CARHSP1: variants seen among roughly 807,000 people sequenced by gnomAD.
CARHSP1 encodes the protein calcium regulated heat stable protein 1, also known as calcium-regulated heat-stable protein 1.
CARHSP1 carries 14 observed loss-of-function variants against 12.5 expected under a neutral mutation model. The observed-to-expected ratio is 1.12, with a 90% CI of 0.74 to 1.75. CARHSP1 has a LOEUF of 1.75. Among genes scored for constraint, CARHSP1 ranks in the 40% most tolerant of loss-of-function variants. The pLI, the probability that CARHSP1 is intolerant of heterozygous loss-of-function variation, is 0.00. For synonymous variants in CARHSP1, 161 were observed against 82.0 expected, an observed-to-expected ratio of 1.96 and a Z score of -5.20; for missense variants, 343 against 201.6, an observed-to-expected ratio of 1.70 and a Z score of -4.25.
rs571581226 is a variant in CARHSP1 at position 8,860,044 on chromosome 16, C to G, written c.-7-709G>C. On this transcript the variant is annotated intron_variant, in intron 1 of 3. Transcript: ENST00000311052. ...CCTAGATCCAAACTCAGCCACTCCA[C>G]GGACCCTCCCTGACGCTGCTGGGAG... The G allele has an allele frequency of 8.7e-6, 6 of 685,956 alleles. No homozygotes were observed. In the South Asian group the frequency reaches 3.3e-4, roughly 37 times the overall value. 42.5% of individuals were successfully genotyped at this position (685,956 alleles called of 1,614,324 possible). A position where few individuals can be genotyped will look rare whatever the true frequency, so the allele number is the denominator to read the frequency against.
Position 8,854,346 on chromosome 16 carries a change from C to T in CARHSP1, c.*818G>A, listed in dbSNP as rs1256560483. ...ACAAAGACTGTGTCCTCTCCACAAG[C>T]CCTTCCCACCACCACCACCCCAGCC... On this transcript the variant is annotated 3_prime_UTR_variant, in exon 4 of 4. Transcript: ENST00000311052. 6.6e-6 allele frequency: 1 copy of T among 152,146 alleles called. No homozygotes were observed. The highest frequency in any genetic ancestry group is 1.5e-5 in the Non-Finnish European group (1 of 68,036). The allele number at this position is 152,146 out of a possible 1,614,324, so 9.4% of individuals were successfully genotyped here.
chr16:8,857,614 A>AGTTT, intron 3 of CARHSP1: 3 of 119,266 alleles, frequency 2.5e-5, no homozygotes, highest in Middle Eastern at 7.9e-3. Flanking sequence ...TTTGAAATGG[A>AGTTT]CTTTCACCCT....
Position 8,861,989 on chromosome 16 carries a change from C to CTTTTTTTTTTTTTTTTTTTTTTTT in CARHSP1, c.-7-2678_-7-2655dup, listed in dbSNP as rs537614451. The stretch of plus-strand genomic sequence containing the variant: ...TTCTCCTGGAGTCAAGCATAGCTGA[C>CTTTTTTTTTTTTTTTTTTTTTTTT]TTTTTTTTTTTTTTTTTTTTTTTTT... On this transcript the variant is annotated intron_variant, in intron 1 of 3. Transcript: ENST00000311052. 1.0e-4 allele frequency among the ~76,000 whole-genome samples: 8 copies of CTTTTTTTTTTTTTTTTTTTTTTTT among 79,806 alleles called. 2 individuals carry two copies. The highest frequency in any genetic ancestry group is 2.8e-4 in the Admixed American group (2 of 7,042). The allele number at this position is 79,806 out of a possible 152,430, so 52.4% of individuals were successfully genotyped here.
At chr16:8,864,022 C>G (rs559857448) in intron 1 of CARHSP1, among the ~76,000 whole-genome samples, 123 of 152,290 alleles carry the variant, frequency 8.1e-4, no homozygotes, top group Non-Finnish European at 1.5e-3. Context: ...GGGAGGAAGG[C>G]TGCAAACAGA....
intron 1 of CARHSP1, chr16:8,861,726 C>T (rs1404079603): frequency 3.1e-6 from 4 of 1,287,638 alleles, no homozygotes; most frequent in Non-Finnish European, 3.0e-6. Context: ...TCCGGGGAGC[C>T]CCCACCTCAA....
intron 1 of CARHSP1, chr16:8,860,470 G>A: frequency 1.0e-6 from 1 of 985,402 alleles, no homozygotes; most frequent in South Asian, 4.7e-5. Flanking sequence ...GAAGGTGTCG[G>A]CTCTAACGTG....
chr16:8,861,371 G>A (rs931016582), intron 1 of CARHSP1, among the ~76,000 whole-genome samples: 3 of 151,406 alleles, frequency 2.0e-5, no homozygotes. Context: ...GTTTCCAGCT[G>A]CTCATGGAAA....
Position 8,855,219 on chromosome 16 carries a change from T to A in CARHSP1, c.389A>T (p.His130Leu). Residue 130 changes from histidine to leucine, a missense_variant, in exon 4 of 4, where the codon CAC becomes CTC. By Grantham distance (99) the His-to-Leu change is moderately conservative. Coordinates refer to ENST00000311052, the MANE Select transcript of CARHSP1 (RefSeq NM_014316.4). ...CTCATGCTTGGTGCCTGGTGCCAGG[T>A]GAGTGATGACGACCTCCACGGCCTG... is the stretch of plus-strand genomic sequence containing the variant. Reference protein sequence around the residue: ...KLQAVEVVITHLAPGTKHETW... With the variant: ...KLQAVEVVITLLAPGTKHETW... 6.2e-7 allele frequency: 1 copy of A among 1,612,982 alleles called. No individual in the cohort carries two copies. Among genetic ancestry groups the A allele is most frequent in the Admixed American group, 1.7e-5 (1 of 59,926 alleles).
chr16:8,864,325 C>G (rs1045594217), intron 1 of CARHSP1, among the ~76,000 whole-genome samples: 3 of 142,162 alleles, frequency 2.1e-5, no homozygotes, highest in African/African-American at 7.5e-5. Context: ...GCACAGCACG[C>G]TGGGCACCTG....
intron 1 of CARHSP1, among the ~76,000 whole-genome samples, chr16:8,866,014 C>G (rs1331472022): frequency 6.6e-6 from 1 of 152,100 alleles, no homozygotes; most frequent in Non-Finnish European, 1.5e-5. Context: ...AGTTTGGTGG[C>G]ACAATCATGG....
intron 3 of CARHSP1, among the ~76,000 whole-genome samples, chr16:8,857,267 T>TTTGTTTTTG (rs1285555523): frequency 5.8e-4 from 10 of 17,238 alleles, no homozygotes; most frequent in Admixed American, 2.3e-3. Context: ...AGATCTGTTT[T>TTTGTTTTTG]TTTTTTTTTT....
In CARHSP1 at chr16:8,854,913, T is replaced by C; in HGVS notation, c.*251A>G. 1 of 338,560 alleles carries C rather than the reference T, an allele frequency of 3.0e-6. No individual in the cohort carries two copies. The highest frequency in any genetic ancestry group is 5.3e-6 in the Non-Finnish European group (1 of 187,888). The allele number at this position is 338,560 out of a possible 1,614,324, so 21.0% of individuals were successfully genotyped here. A position where few individuals can be genotyped will look rare whatever the true frequency, so the allele number is the denominator to read the frequency against. On this transcript the variant is annotated 3_prime_UTR_variant, in exon 4 of 4. Transcript: ENST00000311052. ...CCACTCAGCCACCAGTGGGCACCTC[T>C]CCTTTTTAAATGCTTTTAATGCTCT...
At chr16:8,860,047 A>C (rs999336791) in intron 1 of CARHSP1, 62 of 698,042 alleles carry the variant, frequency 8.9e-5, no homozygotes, top group Non-Finnish European at 1.1e-4. Flanking sequence ...CACTCCACGG[A>C]CCCTCCCTGA....
intron 1 of CARHSP1, among the ~76,000 whole-genome samples, chr16:8,865,847 G>A (rs1430411939): frequency 6.6e-6 from 1 of 152,242 alleles, no homozygotes; most frequent in Non-Finnish European, 1.5e-5. Context: ...ACAGAGTTAA[G>A]CCAGTGATTC....
chr16:8,858,748 A>G, intron 2 of CARHSP1: 2 of 482,202 alleles, frequency 4.1e-6, no homozygotes, highest in East Asian at 6.8e-5. Flanking sequence ...ACATCCCTCC[A>G]GAAACTAATG....
At chr16:8,857,287 T>TTTTG (rs2061162645) in intron 3 of CARHSP1, among the ~76,000 whole-genome samples, 1 of 123,978 alleles carries the variant, frequency 8.1e-6, no homozygotes, top group Non-Finnish European at 1.7e-5. Context: ...TTTTTTTTTT[T>TTTTG]TTTTTTTTTT....
chr16:8,855,737 C>G (rs1032155681), intron 3 of CARHSP1, among the ~76,000 whole-genome samples: 1 of 152,196 alleles, frequency 6.6e-6, no homozygotes, highest in Non-Finnish European at 1.5e-5. Context: ...CTGGGCAGGG[C>G]TTTCCTGAGG....
chr16:8,858,502 C>A (rs376549818), intron 2 of CARHSP1, 30 bp from the exon 3 acceptor site: 104 of 1,609,510 alleles, frequency 6.5e-5, no homozygotes, highest in Non-Finnish European at 8.1e-5. Flanking sequence ...GTCAGGGGCC[C>A]CATCAGCGCT....
At chr16:8,867,623 T>G (rs1235888443) in intron 1 of CARHSP1, 1 of 152,496 alleles carries the variant, frequency 6.6e-6, no homozygotes, top group East Asian at 1.9e-4. Flanking sequence ...ACGCCAGGCC[T>G]AGCTCAGCTC....
Sources: allele counts gnomAD v4.1 joint callset (sites outside exome capture counted in the v4.1 genomes callset), GRCh38; gene constraint gnomAD v4.1.1; transcripts MANE v1.5; gene names NCBI Gene and HGNC (gene_info 2026-07-23, HGNC 2026-07-21).